Variants in SCAF8 observed in about 807,000 individuals in gnomAD.
SCAF8 encodes the protein SR-related and CTD-associated factor 8.
In SCAF8, 23 loss-of-function variants were observed where a neutral mutation model predicts 140.5. The ratio of observed to expected loss-of-function variants is 0.16; its 90% CI spans 0.12 to 0.23. SCAF8 has a LOEUF of 0.23. SCAF8 is among the 10% of genes least tolerant of loss of function. The pLI, the probability that SCAF8 is intolerant of heterozygous loss-of-function variation, is 1.00. For synonymous variants in SCAF8, 575 were observed against 528.9 expected (o/e 1.09, Z -1.20); for missense variants, 1,397 against 1,555.7 (o/e 0.90, Z 1.72).
chr6:154,816,509 C>G (rs369578465), intron 13 of SCAF8, among the ~76,000 whole-genome samples: 1 of 98,858 alleles, frequency 1.0e-5, no homozygotes, highest in East Asian at 8.6e-4. Flanking sequence ...TTAAAAATTA[C>G]GTGCTGTCTT....
At chr6:154,804,333 CCT>C (rs1277330346) in intron 8 of SCAF8, among the ~76,000 whole-genome samples, 1 of 151,948 alleles carries the variant, frequency 6.6e-6, no homozygotes, top group Non-Finnish European at 1.5e-5. Context: ...AAATGATTCC[CCT>C]TGACAAAATT....
chr6:154,816,715 G>C (rs1312253840), intron 13 of SCAF8, among the ~76,000 whole-genome samples: 1 of 152,056 alleles, frequency 6.6e-6, no homozygotes, highest in East Asian at 1.9e-4. Flanking sequence ...AAATTGCCCA[G>C]TTTTCCTTTC....
chr6:154,789,318 G>T (rs1777344545), intron 4 of SCAF8, among the ~76,000 whole-genome samples: 1 of 151,674 alleles, frequency 6.6e-6, no homozygotes, highest in Non-Finnish European at 1.5e-5. Flanking sequence ...TTGCCATGTT[G>T]GGTAGGCTGG....
chr6:154,820,104 T>C, intron 14 of SCAF8, 73 bp from the exon 15 acceptor site: 1 of 1,216,494 alleles, frequency 8.2e-7, no homozygotes, highest in Non-Finnish European at 1.1e-6. Flanking sequence ...TTAAATAAAA[T>C]TTTGAACTTT....
chr6:154,752,978 G>C (rs6906254), intron 1 of SCAF8, among the ~76,000 whole-genome samples: 75,339 of 151,804 alleles, frequency 0.5, 19,428 homozygotes, highest in East Asian at 0.9. Flanking sequence ...CCAGTTTTAA[G>C]CAGTAAAAAG....
At chr6:154,736,852 A>G (rs1778435538) in intron 1 of SCAF8, among the ~76,000 whole-genome samples, 1 of 151,926 alleles carries the variant, frequency 6.6e-6, no homozygotes, top group African/African-American at 2.4e-5. Context: ...TAACTTCCTT[A>G]TTTATTTATA....
At chr6:154,827,091 T>C in intron 17 of SCAF8, 81 bp from the exon 18 acceptor site, 2 of 1,137,386 alleles carry the variant, frequency 1.8e-6, no homozygotes, top group African/African-American at 1.6e-5. Flanking sequence ...ATATGAAGTT[T>C]CATTTGTAGC....
chr6:154,833,192 C>G lies in SCAF8; in HGVS notation c.3613C>G (p.Gln1205Glu). The G allele has an allele frequency of 6.2e-7, 1 of 1,614,020 alleles. No homozygotes were observed. The highest frequency in any genetic ancestry group is 8.5e-7 in the Non-Finnish European group (1 of 1,179,972). Reference protein sequence around the residue: ...VFDYFEGATSQRKGDNVPQVN... With the variant: ...VFDYFEGATSERKGDNVPQVN... ...TGATTATTTTGAAGGGGCCACTTCTCAACGAAAAGGTGATAATGTGCCTCA... is the reference window on the plus strand; with the variant it reads ...TGATTATTTTGAAGGGGCCACTTCTGAACGAAAAGGTGATAATGTGCCTCA... Residue 1205 changes from glutamine to glutamate, a missense_variant, in exon 20 of 20, where the codon CAA (glutamine) becomes GAA (glutamate). Coordinates refer to ENST00000367178, the MANE Select transcript of SCAF8 (RefSeq NM_014892.5).
chr6:154,758,543 A>C (rs1779021976), intron 1 of SCAF8, among the ~76,000 whole-genome samples: 1 of 152,190 alleles, frequency 6.6e-6, no homozygotes, highest in Non-Finnish European at 1.5e-5. Flanking sequence ...TAGTTCATGC[A>C]CAAAACTAGG....
At chr6:154,793,254 CTG>C (rs1311409180) in intron 5 of SCAF8, among the ~76,000 whole-genome samples, 1 of 152,022 alleles carries the variant, frequency 6.6e-6, no homozygotes, top group African/African-American at 2.4e-5. Flanking sequence ...TTTAAGTTGT[CTG>C]TAACTTCTTA....
chr6:154,796,965 CA>C (rs1321219183), intron 6 of SCAF8, among the ~76,000 whole-genome samples: 1 of 143,956 alleles, frequency 6.9e-6, no homozygotes, highest in East Asian at 2.0e-4. Context: ...GAGTGAGACT[CA>C]AAAACAAAAA....
Position 154,832,359 on chromosome 6 carries a change from G to A in SCAF8, c.2780G>A (p.Arg927His), listed in dbSNP as rs759015720. ...CCCACAATGCCAATGTTAGACATTC[G>A]TCCGGGACTAATACCACAGGCACCT... is the stretch of plus-strand genomic sequence containing the variant. Reference protein sequence around the residue: ...RMPTMPMLDIRPGLIPQAPGP... With the variant: ...RMPTMPMLDIHPGLIPQAPGP... Residue 927 changes from arginine (R) to histidine (H), a missense_variant, in exon 20 of 20, where the codon CGT becomes CAT. Around this residue, in one of 5 missense-constraint regions of SCAF8, gnomAD observed 930 missense variants for 874.6 expected, o/e 1.06. Coordinates refer to ENST00000367178, the MANE Select transcript of SCAF8 (RefSeq NM_014892.5). The A allele has an allele frequency of 5.6e-6, 9 of 1,613,852 alleles. No homozygotes were observed. Among genetic ancestry groups the A allele is most frequent in the South Asian group, 3.3e-5 (3 of 91,072 alleles).
Position 154,770,386 on chromosome 6 carries a change from ACACT to A in SCAF8, c.31-3601_31-3598del, listed in dbSNP as rs1314136273. Among the ~76,000 whole-genome samples the A allele has an allele frequency of 5.9e-4, 79 of 133,502 alleles. 1 individual carries two copies. Among genetic ancestry groups the A allele is most frequent in the South Asian group, 2.3e-3 (9 of 3,994 alleles). 87.6% of individuals were successfully genotyped at this position (133,502 alleles called of 152,430 possible). A position where few individuals can be genotyped will look rare whatever the true frequency, so the allele number is the denominator to read the frequency against. On this transcript the variant is annotated intron_variant, in intron 1 of 19. Coordinates refer to ENST00000367178, the MANE Select transcript of SCAF8 (RefSeq NM_014892.5). The stretch of plus-strand genomic sequence containing the variant: ...GGTTGAGGTACACACACACACACAC[ACACT>A]CTCTCTCTCTCTCTCTCTCTCTCTC...
intron 4 of SCAF8, among the ~76,000 whole-genome samples, chr6:154,789,609 G>A (rs992714846): frequency 2.7e-5 from 4 of 147,436 alleles, no homozygotes; most frequent in East Asian, 2.0e-4. Context: ...GCAGTGGTGC[G>A]ACCTTGGCTC....
At chr6:154,739,413 T>C (rs1284863902) in intron 1 of SCAF8, among the ~76,000 whole-genome samples, 1 of 152,226 alleles carries the variant, frequency 6.6e-6, no homozygotes, top group African/African-American at 2.4e-5. Context: ...CAATCAGTGA[T>C]CTATTTTTTT....
chr6:154,762,832 A>G (rs1002760609), intron 1 of SCAF8, among the ~76,000 whole-genome samples: 3 of 152,196 alleles, frequency 2.0e-5, no homozygotes, highest in Non-Finnish European at 4.4e-5. Context: ...TTTAATTCTT[A>G]ACATTTTAGT....
Position 154,833,063 on chromosome 6 carries a change from A to G in SCAF8, c.3484A>G (p.Arg1162Gly), listed in dbSNP as rs1321875414. ...AAGACCCTGGGAGAGGCAAAGGGAT[A>G]GGGATGACAGAGATTTTGATTTCTG... The part of the protein sequence containing the change: ...RRRPWERQRD[R>G]DDRDFDFCRE... Residue 1162 changes from arginine to glycine, a missense_variant, in exon 20 of 20, where the codon AGG becomes GGG. This residue lies in a region of SCAF8 where 930 missense variants were observed against 874.6 expected (regional missense o/e 1.06). Coordinates refer to ENST00000367178, the MANE Select transcript of SCAF8 (RefSeq NM_014892.5). The G allele has an allele frequency of 6.2e-7, 1 of 1,614,056 alleles. No individual in the cohort carries two copies.
At chr6:154,748,787 A>T (rs1778768990) in intron 1 of SCAF8, among the ~76,000 whole-genome samples, 1 of 152,146 alleles carries the variant, frequency 6.6e-6, no homozygotes, top group Admixed American at 6.5e-5. Context: ...TAAAATCCTA[A>T]AGGAGTTGTT....
intron 4 of SCAF8, among the ~76,000 whole-genome samples, chr6:154,791,484 C>T (rs1446781793): frequency 1.3e-5 from 2 of 152,092 alleles, no homozygotes; most frequent in Non-Finnish European, 2.9e-5. Context: ...AGGCATATAT[C>T]TCCCTCCCAA....
Sources: allele counts gnomAD v4.1 joint callset (sites outside exome capture counted in the v4.1 genomes callset), GRCh38; gene constraint gnomAD v4.1.1; regional missense constraint gnomAD v4.1.1; transcripts MANE v1.5; gene names NCBI Gene and HGNC (gene_info 2026-07-23, HGNC 2026-07-21).